The following CYP4F3 variants were observed in gnomAD, a reference collection of about 807,000 sequenced individuals.
CYP4F3 encodes cytochrome P450 family 4 subfamily F member 3, also known as cytochrome P450 4F3.
In CYP4F3, 50 loss-of-function variants were observed where a neutral mutation model predicts 54.8. The ratio of observed to expected loss-of-function variants is 0.91; its 90% CI spans 0.73 to 1.16. The LOEUF is 1.16. Among genes scored for constraint, CYP4F3 ranks in the 50% most tolerant of loss-of-function variants. The pLI is 0.00. For synonymous variants in CYP4F3, 244 were observed against 262.6 expected (o/e 0.93, Z 0.69); for missense variants, 715 against 676.2 (o/e 1.06, Z -0.64).
chr19:15,653,474 T>C (rs1216514780), intron 9 of CYP4F3, among the ~76,000 whole-genome samples: 1 of 152,096 alleles, frequency 6.6e-6, no homozygotes, highest in Non-Finnish European at 1.5e-5. Flanking sequence ...CTTTCTGTGC[T>C]CTGGAGACCT....
intron 11 of CYP4F3, 84 bp from the exon 12 acceptor site, chr19:15,658,643 C>G (rs1315954210): frequency 1.3e-5 from 21 of 1,606,776 alleles, no homozygotes; most frequent in Non-Finnish European, 1.7e-5. Flanking sequence ...AACATCACCT[C>G]CCTCCAAGAC....
intron 9 of CYP4F3, among the ~76,000 whole-genome samples, chr19:15,655,074 A>G (rs1384978769): frequency 6.6e-6 from 1 of 152,078 alleles, no homozygotes; most frequent in African/African-American, 2.4e-5. Context: ...TTTAACTGGG[A>G]TGAGATGATA....
chr19:15,641,352 T>C (rs1163810812), intron 1 of CYP4F3, 63 bp from the exon 2 acceptor site: 7 of 1,593,044 alleles, frequency 4.4e-6, no homozygotes, highest in Non-Finnish European at 6.0e-6. Flanking sequence ...CCACTGTCCC[T>C]GGAGCTCCCT....
intron 9 of CYP4F3, among the ~76,000 whole-genome samples, chr19:15,656,469 T>TTATC (rs71176457): frequency 0.028 from 1,977 of 70,150 alleles, 16 homozygotes; most frequent in Middle Eastern, 0.054. Context: ...ATAGATTTGT[T>TTATC]TATCTATCTA....
rs779935267 is a variant in CYP4F3, at chr19:15,658,536, C to A, written c.1295C>A (p.Ala432Asp). 2 of 1,614,174 alleles carry A rather than the reference C, an allele frequency of 1.2e-6. No homozygotes were observed. Among genetic ancestry groups the A allele is most frequent in the Non-Finnish European group, 1.7e-6 (2 of 1,180,022 alleles). Residue 432 changes from alanine to aspartate, a missense_variant, in exon 11 of 13, where the codon GCC becomes GAC. Ala to Asp is a moderately radical substitution (Grantham distance 126). Transcript: ENST00000221307. ...ISVFGTHHNP[A>D]VWPDPEVYDP... ...GTTTTTGGAACCCATCACAACCCAG[C>A]CGTGTGGCCGGACCCTGAGGTGCGG...
At chr19:15,658,857 G>A (rs372446402) in intron 12 of CYP4F3, 48 bp downstream of exon 12, 10 of 1,602,852 alleles carry the variant, frequency 6.2e-6, no homozygotes, top group Non-Finnish European at 7.7e-6. Context: ...TAGGTGCAGG[G>A]GTCTGGGCAT....
Position 15,652,580 on chromosome 19 carries a change from G to A in CYP4F3, c.930G>A (p.Gly310=). ...DVLLLSKDED[G]KKLSDEDIRA... ...TGCCTTCTCTCCAGGATGAAGATGG[G>A]AAGAAGTTGTCCGATGAGGACATAA... Residue 310 remains glycine (G), a synonymous_variant, in exon 8 of 13, where the codon GGG becomes GGA. Transcript: ENST00000221307. The A allele has an allele frequency of 2.5e-6, 4 of 1,614,198 alleles. No individual in the cohort carries two copies. The highest frequency in any genetic ancestry group is 3.4e-6 in the Non-Finnish European group (4 of 1,180,022).
chr19:15,641,217 A>G, intron 1 of CYP4F3, 198 bp from the exon 2 acceptor site: 2 of 611,956 alleles, frequency 3.3e-6, no homozygotes, highest in East Asian at 5.6e-5. Flanking sequence ...CTTACCGGGT[A>G]ACTGGAGGCC....
Position 15,658,517 on chromosome 19 carries a change from G to T in CYP4F3, c.1276G>T (p.Gly426Ter), listed in dbSNP as rs776642677. Residue 426 changes from glycine (G) to a stop codon, truncating the protein, a stop_gained, in exon 11 of 13, where the codon GGA becomes TGA. Transcript: ENST00000221307. LOFTEE classifies it high-confidence loss of function. ...KGIICLISVF[G>*]THHNPAVWPD... is the part of the protein sequence containing the mutation. ...CATTATCTGCCTCATCAGTGTTTTT[G>T]GAACCCATCACAACCCAGCCGTGTG... The T allele has an allele frequency of 1.2e-5, 20 of 1,614,036 alleles. No homozygotes were observed. The highest frequency in any genetic ancestry group is 1.7e-5 in the Non-Finnish European group (20 of 1,180,024).
chr19:15,653,330 A>G (rs1395081046), intron 9 of CYP4F3, among the ~76,000 whole-genome samples: 1 of 152,128 alleles, frequency 6.6e-6, no homozygotes, highest in African/African-American at 2.4e-5. Context: ...CATCCAGTCC[A>G]GGGATTTATA....
rs780162590 is a variant in CYP4F3, at chr19:15,659,619, A to G, written c.*234A>G. ...ACCCCAAGCTATATATTACCAGATG[A>G]AAGGATAAACAAAATATGGTCCATC... On this transcript the variant is annotated 3_prime_UTR_variant, in exon 13 of 13. Transcript: ENST00000221307. 1 of 658,160 alleles carries G rather than the reference A, an allele frequency of 1.5e-6. No individual in the cohort carries two copies. Among genetic ancestry groups the G allele is most frequent in the Admixed American group, 3.4e-5 (1 of 29,028 alleles). The allele number at this position is 658,160 out of a possible 1,614,324, so 40.8% of individuals were successfully genotyped here.
chr19:15,659,147 G>A, intron 12 of CYP4F3, 73 bp from the exon 13 acceptor site: 2 of 1,360,872 alleles, frequency 1.5e-6, no homozygotes, highest in Non-Finnish European at 2.0e-6. Context: ...GGTGTCCCAG[G>A]CCAGGTTACC....
rs370724525 is a variant in CYP4F3 at position 15,641,624 on chromosome 19, C to T, written c.198+11C>T. ...GGTCACCTGGGCCTGGTGAGTGTGGCAGCAGGACGGGTCTGGGGTCTCAGG... is the reference window on the plus strand; with the variant it reads ...GGTCACCTGGGCCTGGTGAGTGTGGTAGCAGGACGGGTCTGGGGTCTCAGG... On this transcript the variant is annotated intron_variant, in intron 2 of 12. Transcript: ENST00000221307. 1.9e-6 allele frequency: 3 copies of T among 1,612,950 alleles called. No individual in the cohort carries two copies. Among genetic ancestry groups the T allele is most frequent in the Non-Finnish European group, 2.5e-6 (3 of 1,179,602 alleles).
intron 2 of CYP4F3, 83 bp downstream of exon 2, chr19:15,641,696 G>A: frequency 7.3e-7 from 1 of 1,371,972 alleles, no homozygotes; most frequent in Admixed American, 1.7e-5. Flanking sequence ...GGTGAGAGGG[G>A]GTGGGCTGGG....
chr19:15,648,707 G>C (rs1355743969), intron 5 of CYP4F3, among the ~76,000 whole-genome samples: 3 of 152,196 alleles, frequency 2.0e-5, no homozygotes, highest in Non-Finnish European at 4.4e-5. Context: ...CTGCAAAGGA[G>C]AGATTATGTA....
At chr19:15,649,394 A>C in intron 6 of CYP4F3, 113 bp downstream of exon 6, 1 of 1,540,678 alleles carries the variant, frequency 6.5e-7, no homozygotes, top group Middle Eastern at 1.7e-4. Context: ...AGGAGTTGTT[A>C]TACCTGATCG....
chr19:15,654,959 C>T (rs28738969), intron 9 of CYP4F3, among the ~76,000 whole-genome samples: 1,916 of 152,294 alleles, frequency 0.013, 35 homozygotes, highest in African/African-American at 0.042. Flanking sequence ...CTGTTCTCTG[C>T]AGTGGCTGCA....
At chr19:15,646,365 C>G (rs2280749) in intron 3 of CYP4F3, among the ~76,000 whole-genome samples, 45,190 of 151,860 alleles carry the variant, frequency 0.3, 7,784 homozygotes, top group East Asian at 0.5. Flanking sequence ...CCCAGGGTCC[C>G]TAAGTGAACT....
intron 2 of CYP4F3, among the ~76,000 whole-genome samples, chr19:15,642,800 G>T (rs2144629695): frequency 6.6e-6 from 1 of 152,162 alleles, no homozygotes; most frequent in South Asian, 2.1e-4. Flanking sequence ...TGGCTGGCTG[G>T]CTGGATAAGT....
Sources: allele counts gnomAD v4.1 joint callset (sites outside exome capture counted in the v4.1 genomes callset), GRCh38; gene constraint gnomAD v4.1.1; transcripts MANE v1.5; gene names NCBI Gene and HGNC (gene_info 2026-07-23, HGNC 2026-07-21).